MON2: variants seen among roughly 807,000 people sequenced by gnomAD.
The protein encoded by MON2 is MON2 regulator of endosome-to-Golgi trafficking, also known as protein MON2 homolog.
A neutral mutation model predicts 208.6 loss-of-function variants in MON2; 84 were observed. The observed-to-expected ratio is 0.40, with a 90% confidence interval of 0.34 to 0.48. The LOEUF (loss-of-function observed/expected upper bound fraction) is 0.48, where lower values mean the gene tolerates loss of function less well. Among genes scored for constraint, MON2 ranks in the 20% least tolerant of loss-of-function variants. The pLI, the probability that MON2 is intolerant of heterozygous loss-of-function variation, is 0.59. For synonymous variants in MON2, 660 were observed against 694.0 expected (o/e 0.95, Z 0.77); for missense variants, 1,611 against 2,015.4 (o/e 0.80, Z 3.84).
chr12:62,499,627 A>G (rs1420306800), intron 5 of MON2, among the ~76,000 whole-genome samples: 1 of 152,104 alleles, frequency 6.6e-6, no homozygotes, highest in African/African-American at 2.4e-5. Flanking sequence ...TAATCGTAGC[A>G]TTTTGGGAGG....
chr12:62,591,848 C>T (rs1267682076), intron 34 of MON2, among the ~76,000 whole-genome samples: 2 of 152,094 alleles, frequency 1.3e-5, no homozygotes, highest in Admixed American at 1.3e-4. Context: ...AGATTTGAGA[C>T]TTGTTTCACA....
rs747403223 is a variant in MON2, at chr12:62,547,081, T to G, written c.2753+9T>G. 1 of 1,425,518 alleles carries G rather than the reference T, an allele frequency of 7.0e-7. No homozygotes were observed. Among genetic ancestry groups the G allele is most frequent in the East Asian group, 2.6e-5 (1 of 38,974 alleles). The allele number at this position is 1,425,518 out of a possible 1,614,324, so 88.3% of individuals were successfully genotyped here. On this transcript the variant is annotated intron_variant, in intron 22 of 34. Transcript: ENST00000393630. Reference sequence around the variant, plus strand: ...ATCAGAAATGATCAAGGGTAAGTATTTAAAATTATTTGAGAAAAAATATGT... The same window carrying G: ...ATCAGAAATGATCAAGGGTAAGTATGTAAAATTATTTGAGAAAAAATATGT...
intron 4 of MON2, among the ~76,000 whole-genome samples, chr12:62,497,689 A>C (rs944296992): frequency 6.6e-6 from 1 of 152,024 alleles, no homozygotes; most frequent in Non-Finnish European, 1.5e-5. Flanking sequence ...ATTTTGGCTC[A>C]CTGCAACCTT....
At chr12:62,487,306 G>A (rs548286807) in intron 2 of MON2, among the ~76,000 whole-genome samples, 96 of 152,076 alleles carry the variant, frequency 6.3e-4, no homozygotes, top group African/African-American at 2.1e-3. Flanking sequence ...CTAGCTTATA[G>A]TATACTAAAA....
intron 8 of MON2, among the ~76,000 whole-genome samples, chr12:62,516,236 T>G (rs962008338): frequency 6.6e-6 from 1 of 151,994 alleles, no homozygotes; most frequent in African/African-American, 2.4e-5. Flanking sequence ...ATTGAACGAA[T>G]GGAGAGAGAG....
At chr12:62,507,074 G>A (rs1307277270) in intron 7 of MON2, among the ~76,000 whole-genome samples, 1 of 152,136 alleles carries the variant, frequency 6.6e-6, no homozygotes, top group African/African-American at 2.4e-5. Context: ...AATTATGCTT[G>A]TTTGCCATTG....
Position 62,553,570 on chromosome 12 carries a change from T to C in MON2, c.3210+396T>C, listed in dbSNP as rs139971676. ...CTTTTGAGGTCTACTTATAGATATGTAATTTAAATATAATCAAAAGAGAAT... is the reference window on the plus strand; with the variant it reads ...CTTTTGAGGTCTACTTATAGATATGCAATTTAAATATAATCAAAAGAGAAT... On this transcript the variant is annotated intron_variant, in intron 24 of 34. Transcript: ENST00000393630. Among the ~76,000 whole-genome samples, 15 of 152,352 alleles carry C rather than the reference T, an allele frequency of 9.8e-5. No individual in the cohort carries two copies. In the East Asian group the frequency reaches 2.3e-3, roughly 23 times the overall value.
intron 2 of MON2, chr12:62,490,114 C>T (rs2070032764): frequency 1.9e-6 from 1 of 533,160 alleles, no homozygotes; most frequent in Non-Finnish European, 3.0e-6. Flanking sequence ...GGACCTTTTT[C>T]AGGTGTGTGA....
At chr12:62,523,138 A>G (rs1212964533) in intron 8 of MON2, among the ~76,000 whole-genome samples, 1 of 152,188 alleles carries the variant, frequency 6.6e-6, no homozygotes, top group Non-Finnish European at 1.5e-5. Flanking sequence ...CTAATATTCA[A>G]ACCCTCCAGT....
chr12:62,563,631 T>A (rs772584338), intron 26 of MON2, among the ~76,000 whole-genome samples: 1 of 152,012 alleles, frequency 6.6e-6, no homozygotes, highest in Non-Finnish European at 1.5e-5. Flanking sequence ...TTAGATGGAG[T>A]TTGTTGTTAA....
intron 29 of MON2, among the ~76,000 whole-genome samples, chr12:62,567,352 C>T (rs2136383326): frequency 6.6e-6 from 1 of 152,300 alleles, no homozygotes; most frequent in East Asian, 1.9e-4. Context: ...ACTGTACTTA[C>T]TACTCAAATT....
chr12:62,510,472 C>A (rs11174520), intron 8 of MON2, among the ~76,000 whole-genome samples: 1 of 151,844 alleles, frequency 6.6e-6, no homozygotes, highest in Non-Finnish European at 1.5e-5. Flanking sequence ...AATGTAAGGA[C>A]GTTTCAACAT....
At chr12:62,492,264 T>C (rs2070183992) in intron 2 of MON2, among the ~76,000 whole-genome samples, 1 of 152,228 alleles carries the variant, frequency 6.6e-6, no homozygotes, top group South Asian at 2.1e-4. Context: ...TGATTCTGAA[T>C]TACTTTGTGT....
At chr12:62,538,951 T>C (rs2073109200) in intron 19 of MON2, among the ~76,000 whole-genome samples, 1 of 152,068 alleles carries the variant, frequency 6.6e-6, no homozygotes, top group Non-Finnish European at 1.5e-5. Flanking sequence ...TCTCCTTATC[T>C]TGAAAATTTA....
At chr12:62,589,849 G>T (rs541957451) in intron 34 of MON2, among the ~76,000 whole-genome samples, 37 of 152,094 alleles carry the variant, frequency 2.4e-4, no homozygotes, top group Non-Finnish European at 4.4e-4. Context: ...TATGTATAAG[G>T]CAGTGTAGTA....
intron 1 of MON2, among the ~76,000 whole-genome samples, chr12:62,480,838 C>A (rs535591871): frequency 6.6e-6 from 1 of 152,116 alleles, no homozygotes; most frequent in Non-Finnish European, 1.5e-5. Context: ...TTGGTTTGCA[C>A]CGAAGCAAAA....
At chr12:62,538,611 A>G in intron 19 of MON2, 106 bp downstream of exon 19, 3 of 769,394 alleles carry the variant, frequency 3.9e-6, no homozygotes, top group Non-Finnish European at 6.4e-6. Flanking sequence ...CTCAGATTGT[A>G]TGGTAACCAT....
chr12:62,533,796 A>C (rs2072773582), intron 12 of MON2, among the ~76,000 whole-genome samples: 1 of 152,144 alleles, frequency 6.6e-6, no homozygotes, highest in Admixed American at 6.5e-5. Flanking sequence ...ACACAAGCAC[A>C]CGTCTCTGTA....
chr12:62,524,792 T>C lies in MON2; in HGVS notation c.1109+153T>C, dbSNP rs574183216. 2.6e-5 allele frequency among the ~76,000 whole-genome samples: 4 copies of C among 152,286 alleles called. No individual in the cohort carries two copies. In the South Asian group the frequency reaches 8.3e-4, roughly 32 times the overall value. On this transcript the variant is annotated intron_variant, in intron 9 of 34. Transcript: ENST00000393630. ...AACAAAGAAAATAGGGTATTGTATC[T>C]ATAAGGACGGGTAGGGCGTGTAGAT...
Sources: gnomAD v4.1 joint callset for allele counts (sites outside exome capture counted in the v4.1 genomes callset) on GRCh38, gnomAD v4.1.1 for gene constraint, MANE v1.5 for transcripts, NCBI Gene and HGNC (gene_info 2026-07-23, HGNC 2026-07-21) for gene names.